PLEKHG4B: variants seen among roughly 807,000 people sequenced by gnomAD.
PLEKHG4B encodes the protein pleckstrin homology and RhoGEF domain containing G4B.
A neutral mutation model predicts 121.3 loss-of-function variants in PLEKHG4B; 111 were observed. The observed-to-expected ratio is 0.92, with a 90% CI of 0.78 to 1.07. The LOEUF is 1.07. Among genes scored for constraint, PLEKHG4B ranks in the 50% least tolerant of loss-of-function variants. The pLI, the probability that PLEKHG4B is intolerant of heterozygous loss-of-function variation, is 0.00. For synonymous variants in PLEKHG4B, 738 were observed against 725.0 expected (o/e 1.02, Z -0.29); for missense variants, 1,831 against 1,757.8 (o/e 1.04, Z -0.74).
intron 2 of PLEKHG4B, among the ~76,000 whole-genome samples, chr5:121,532 A>G (rs1237542474): frequency 6.6e-6 from 1 of 152,152 alleles, no homozygotes; most frequent in Non-Finnish European, 1.5e-5. Context: ...GGACAAATAA[A>G]GAAGTATTGT....
chr5:122,356 A>G (rs1215905632), intron 2 of PLEKHG4B, among the ~76,000 whole-genome samples: 1 of 152,184 alleles, frequency 6.6e-6, no homozygotes, highest in African/African-American at 2.4e-5. Context: ...AGACTCAAAA[A>G]AAGGCAAGAG....
At chr5:135,187 C>CAAAAAAAAAAAAAAAAAAAAA (rs35601775) in intron 2 of PLEKHG4B, among the ~76,000 whole-genome samples, 1 of 48,780 alleles carries the variant, frequency 2.1e-5, no homozygotes, top group African/African-American at 6.3e-5. Context: ...GACTCCAGCT[C>CAAAAAAAAAAAAAAAAAAAAA]AAAAAAAAAA....
At chr5:131,630 G>A (rs1035497058) in intron 2 of PLEKHG4B, among the ~76,000 whole-genome samples, 5 of 152,188 alleles carry the variant, frequency 3.3e-5, no homozygotes, top group African/African-American at 1.2e-4. Context: ...TATATACCCA[G>A]TAATGGGATC....
intron 6 of PLEKHG4B, among the ~76,000 whole-genome samples, chr5:146,374 T>C: frequency 8.7e-6 from 1 of 114,848 alleles, no homozygotes; most frequent in African/African-American, 3.4e-5. Flanking sequence ...CCACAGTGGT[T>C]CCTCCTCTCT....
Position 173,728 on chromosome 5 carries a change from C to T in PLEKHG4B, c.4222-190C>T, listed in dbSNP as rs537227813. On this transcript the variant is annotated intron_variant, in intron 17 of 19. Transcript: ENST00000637938. Reference sequence around the variant, plus strand: ...CGGACAGCTATCCTGCACACAGGCACTCTCCCTGGCACGGTCACAAGCAGC... The same window carrying T: ...CGGACAGCTATCCTGCACACAGGCATTCTCCCTGGCACGGTCACAAGCAGC... Among the ~76,000 whole-genome samples, 5 of 152,210 alleles carry T rather than the reference C, an allele frequency of 3.3e-5. No homozygotes were observed. In the East Asian group the frequency reaches 7.8e-4, roughly 24 times the overall value.
chr5:179,939 T>A (rs918709236), intron 18 of PLEKHG4B, among the ~76,000 whole-genome samples: 4 of 152,242 alleles, frequency 2.6e-5, no homozygotes, highest in Admixed American at 2.0e-4. Context: ...TTTTATTTGA[T>A]GGATTTCGGT....
At chr5:149,858 A>C (rs1049986083) in intron 6 of PLEKHG4B, among the ~76,000 whole-genome samples, 1 of 152,200 alleles carries the variant, frequency 6.6e-6, no homozygotes, top group Non-Finnish European at 1.5e-5. Flanking sequence ...TGGCTATTGT[A>C]AAAAAACAAC....
At chr5:118,513 T>G (rs902983193) in intron 2 of PLEKHG4B, among the ~76,000 whole-genome samples, 7 of 152,352 alleles carry the variant, frequency 4.6e-5, no homozygotes, top group Non-Finnish European at 7.3e-5. Context: ...GATCTCTTTG[T>G]GTTATTTTTG....
intron 1 of PLEKHG4B, among the ~76,000 whole-genome samples, chr5:112,066 T>A (rs368769445): frequency 5.1e-4 from 77 of 152,370 alleles, no homozygotes; most frequent in African/African-American, 1.8e-3. Flanking sequence ...CTGCATGAAC[T>A]CAGACTGTAT....
chr5:182,749 C>A lies in PLEKHG4B; in HGVS notation c.*426C>A, dbSNP rs367630800. On this transcript the variant is annotated 3_prime_UTR_variant, in exon 20 of 20. Coordinates refer to ENST00000637938, the MANE Select transcript of PLEKHG4B (RefSeq NM_052909.5). Reference sequence around the variant, plus strand: ...TTGCAGGCCTCAGTGCAGGGAGGGGCCCAGGAAGAGCCCAGCAGCCTCCGT... The same window carrying A: ...TTGCAGGCCTCAGTGCAGGGAGGGGACCAGGAAGAGCCCAGCAGCCTCCGT... 267 of 193,716 alleles carry A rather than the reference C, an allele frequency of 1.4e-3. 1 individual carries two copies. Among genetic ancestry groups the A allele is most frequent in the African/African-American group, 5.8e-3 (249 of 43,198 alleles). 12.0% of individuals were successfully genotyped at this position (193,716 alleles called of 1,614,324 possible). A position where few individuals can be genotyped will look rare whatever the true frequency, so the allele number is the denominator to read the frequency against.
At chr5:117,343 CA>C (rs895390727) in intron 2 of PLEKHG4B, among the ~76,000 whole-genome samples, 1 of 151,958 alleles carries the variant, frequency 6.6e-6, no homozygotes, top group African/African-American at 2.4e-5. Flanking sequence ...CCACTGTTGT[CA>C]AAATATGTGG....
chr5:172,796 G>A lies in PLEKHG4B; in HGVS notation c.4051-101G>A, dbSNP rs189812584. The A allele has an allele frequency of 2.8e-4, 375 of 1,346,936 alleles. 1 individual carries two copies. The African/African-American group carries it at 4.3e-3, about 15-fold the overall frequency. The allele number at this position is 1,346,936 out of a possible 1,614,324, so 83.4% of individuals were successfully genotyped here. ...TTTATGGCAGTTTGGCTGCTGTTCC[G>A]TCTTGTCACGAAGCTAACACATTTA... On this transcript the variant is annotated intron_variant, in intron 16 of 19. Transcript: ENST00000637938.
intron 3 of PLEKHG4B, among the ~76,000 whole-genome samples, chr5:142,605 C>G (rs1357375160): frequency 6.6e-6 from 1 of 151,848 alleles, no homozygotes; most frequent in Non-Finnish European, 1.5e-5. Context: ...CAATCACACT[C>G]CAGAGTTCCA....
chr5:147,412 C>T (rs938917939), intron 6 of PLEKHG4B, among the ~76,000 whole-genome samples: 9 of 152,204 alleles, frequency 5.9e-5, no homozygotes, highest in Non-Finnish European at 1.2e-4. Context: ...AAAGAAATGA[C>T]AGTCAAGGAA....
intron 6 of PLEKHG4B, among the ~76,000 whole-genome samples, chr5:145,291 C>T (rs1318114441): frequency 6.6e-6 from 1 of 152,234 alleles, no homozygotes; most frequent in Non-Finnish European, 1.5e-5. Context: ...CCGCTATGCC[C>T]CTCTGTCAGG....
intron 2 of PLEKHG4B, among the ~76,000 whole-genome samples, chr5:121,538 A>C (rs546275796): frequency 1.6e-4 from 24 of 152,264 alleles, no homozygotes; most frequent in Admixed American, 5.2e-4. Context: ...ATAAAGAAGT[A>C]TTGTTAGATT....
chr5:132,675 T>TG (rs1734813163), intron 2 of PLEKHG4B, among the ~76,000 whole-genome samples: 1 of 152,186 alleles, frequency 6.6e-6, no homozygotes, highest in Non-Finnish European at 1.5e-5. Flanking sequence ...TATGTTTTTG[T>TG]TTGCTTTGAG....
In PLEKHG4B at chr5:128,942, A is replaced by G. The variant is rs577924774; in HGVS notation, c.244-10541A>G. ...GGACAGGCCTTTGGAGTTTAGGCAC[A>G]ACTGACCAGCATTAGTATTAAAATA... On this transcript the variant is annotated intron_variant, in intron 2 of 19. Transcript: ENST00000637938. Among the ~76,000 whole-genome samples, 621 of 152,322 alleles carry G rather than the reference A, an allele frequency of 4.1e-3. 5 individuals carry two copies. Among genetic ancestry groups the G allele is most frequent in the African/African-American group, 0.014 (593 of 41,558 alleles).
chr5:160,501 C>T (rs936066014), intron 11 of PLEKHG4B, among the ~76,000 whole-genome samples: 7 of 152,302 alleles, frequency 4.6e-5, no homozygotes, highest in East Asian at 1.9e-4. Flanking sequence ...TTCTATGCGA[C>T]AGCTGGACAT....
Sources: allele counts gnomAD v4.1 joint callset (sites outside exome capture counted in the v4.1 genomes callset), GRCh38; gene constraint gnomAD v4.1.1; transcripts MANE v1.5; gene names NCBI Gene and HGNC (gene_info 2026-07-23, HGNC 2026-07-21).